Variants in MUSK observed in about 807,000 individuals in gnomAD.
MUSK encodes the protein muscle associated receptor tyrosine kinase.
A neutral mutation model predicts 88.7 loss-of-function variants in MUSK; 55 were observed. That is an observed-to-expected ratio of 0.62 (90% CI 0.50 to 0.78). The LOEUF (loss-of-function observed/expected upper bound fraction) is 0.78, where lower values mean the gene tolerates loss of function less well. Among genes scored for constraint, MUSK ranks in the 30% least tolerant of loss-of-function variants. The pLI, the probability that MUSK is intolerant of heterozygous loss-of-function variation, is 0.00. For synonymous variants in MUSK, 387 were observed against 391.9 expected, an observed-to-expected ratio of 0.99 and a Z score of 0.15; for missense variants, 1,015 against 1,074.3, an observed-to-expected ratio of 0.94 and a Z score of 0.77.
At chr9:110,704,328 C>A (rs766762440) in intron 5 of MUSK, among the ~76,000 whole-genome samples, 3 of 152,140 alleles carry the variant, frequency 2.0e-5, no homozygotes, top group Non-Finnish European at 4.4e-5. Flanking sequence ...ACATTAACTT[C>A]TAAAATTATC....
In MUSK at chr9:110,775,790, A is replaced by AGTC. The variant is rs2131987253; in HGVS notation, c.1189_1190insCGT (p.Glu396_Tyr397insSer). ...TTGTTCTCCATATACTATTTTAGAGAGTACTGCTTGGCAGTAAAGGAGCTC... is the reference window on the plus strand; with the variant it reads ...TTGTTCTCCATATACTATTTTAGAGAGTCGTACTGCTTGGCAGTAAAGGAGCTC... On this transcript the variant is annotated inframe_insertion, in exon 10 of 15. Transcript: ENST00000374448. 1.2e-6 allele frequency: 2 copies of AGTC among 1,613,430 alleles called. No homozygotes were observed. Among genetic ancestry groups the AGTC allele is most frequent in the Non-Finnish European group, 8.5e-7 (1 of 1,179,408 alleles).
intron 1 of MUSK, among the ~76,000 whole-genome samples, chr9:110,669,442 T>C (rs749618825): frequency 1.3e-5 from 2 of 152,216 alleles, no homozygotes; most frequent in Non-Finnish European, 1.5e-5. Flanking sequence ...GCCAAACTCT[T>C]AATAAATATT....
At chr9:110,781,326 G>C (rs749262738) in intron 11 of MUSK, among the ~76,000 whole-genome samples, 2 of 152,126 alleles carry the variant, frequency 1.3e-5, no homozygotes, top group East Asian at 1.9e-4. Context: ...GCCCAGGCTG[G>C]AGTGCAGTGG....
chr9:110,679,937 T>G (rs190881255), intron 1 of MUSK, among the ~76,000 whole-genome samples: 3 of 152,268 alleles, frequency 2.0e-5, no homozygotes, highest in Non-Finnish European at 2.9e-5. Flanking sequence ...ACACAAAAAT[T>G]TGTGATTTTT....
intron 14 of MUSK, among the ~76,000 whole-genome samples, chr9:110,797,292 CAAAA>C (rs111652297): frequency 1.4e-5 from 2 of 146,246 alleles, no homozygotes; most frequent in African/African-American, 2.5e-5. Flanking sequence ...AACAAACAAA[CAAAA>C]AAAAAGTTTC....
chr9:110,688,857 T>C (rs983187839), intron 3 of MUSK, among the ~76,000 whole-genome samples: 7 of 151,296 alleles, frequency 4.6e-5, no homozygotes, highest in Non-Finnish European at 8.8e-5. Flanking sequence ...CTTTATCCAG[T>C]CCATCATTAA....
intron 5 of MUSK, among the ~76,000 whole-genome samples, chr9:110,697,908 G>A (rs1231315229): frequency 1.3e-5 from 2 of 148,430 alleles, no homozygotes; most frequent in Non-Finnish European, 3.0e-5. Flanking sequence ...CACAAAGCTT[G>A]AAAAAAAAAA....
At chr9:110,672,553 C>T (rs774042243) in intron 1 of MUSK, among the ~76,000 whole-genome samples, 1 of 151,986 alleles carries the variant, frequency 6.6e-6, no homozygotes, top group South Asian at 2.1e-4. Context: ...TATATGGCAG[C>T]GTACCATGAG....
At chr9:110,770,717 C>A (rs746395726) in intron 9 of MUSK, among the ~76,000 whole-genome samples, 3 of 146,776 alleles carry the variant, frequency 2.0e-5, no homozygotes, top group Non-Finnish European at 3.0e-5. Flanking sequence ...TTGTATTATG[C>A]CTGCTAGTAA....
intron 1 of MUSK, 101 bp from the exon 2 acceptor site, chr9:110,682,573 C>G (rs1449947501): frequency 1.3e-5 from 15 of 1,194,746 alleles, no homozygotes; most frequent in Non-Finnish European, 1.6e-5. Flanking sequence ...TCTGGGGAAA[C>G]AGAATTCTCA....
chr9:110,729,100 T>C (rs966080269), intron 5 of MUSK, among the ~76,000 whole-genome samples: 2 of 151,636 alleles, frequency 1.3e-5, no homozygotes, highest in Non-Finnish European at 2.9e-5. Context: ...TTTGGATAAA[T>C]GTTAGGATGT....
At position 110,802,892 on chromosome 9, in the gene MUSK, G is replaced by A. The variant is rs368025206; in HGVS notation, c.*1904G>A. Reference sequence around the variant, plus strand: ...AAGAAGTGCTTCAGATAAAAATCATGAGTCTAAGTCCAAAATTGATACTGT... The same window carrying A: ...AAGAAGTGCTTCAGATAAAAATCATAAGTCTAAGTCCAAAATTGATACTGT... On this transcript the variant is annotated 3_prime_UTR_variant, in exon 15 of 15. Coordinates refer to ENST00000374448, the MANE Select transcript of MUSK (RefSeq NM_005592.4). Among the ~76,000 whole-genome samples the A allele has an allele frequency of 6.6e-6, 1 of 152,278 alleles. No homozygotes were observed. Among genetic ancestry groups the A allele is most frequent in the African/African-American group, 2.4e-5 (1 of 41,556 alleles).
chr9:110,770,252 T>C, intron 9 of MUSK, among the ~76,000 whole-genome samples: 1 of 148,456 alleles, frequency 6.7e-6, no homozygotes, highest in South Asian at 2.1e-4. Context: ...AAAATGTTTC[T>C]AAATTTCATA....
At chr9:110,743,858 G>A (rs2077134339) in intron 6 of MUSK, among the ~76,000 whole-genome samples, 1 of 151,996 alleles carries the variant, frequency 6.6e-6, no homozygotes, top group Admixed American at 6.6e-5. Context: ...ACATTAATCA[G>A]AAAAACTATG....
chr9:110,775,522 C>T lies in MUSK; in HGVS notation c.1185-266C>T, dbSNP rs143328542. On this transcript the variant is annotated intron_variant, in intron 9 of 14. Transcript: ENST00000374448. ...CATATCAGAGATTCCCAATCTAATA[C>T]GTTTTAAATTTGACGTTTTTTTCCC... 5.1e-4 allele frequency: 223 copies of T among 441,384 alleles called. 2 individuals carry two copies. The East Asian group carries it at 0.01, about 20-fold the overall frequency. The allele number at this position is 441,384 out of a possible 1,614,324, so 27.3% of individuals were successfully genotyped here. A position where few individuals can be genotyped will look rare whatever the true frequency, so the allele number is the denominator to read the frequency against.
intron 5 of MUSK, among the ~76,000 whole-genome samples, chr9:110,716,113 G>A (rs1037168868): frequency 6.7e-6 from 1 of 149,510 alleles, no homozygotes; most frequent in African/African-American, 2.5e-5. Context: ...TCCTGCACTT[G>A]TACCCCTGAA....
chr9:110,755,951 C>CGT (rs1269355799), intron 7 of MUSK, among the ~76,000 whole-genome samples: 3 of 101,792 alleles, frequency 2.9e-5, no homozygotes, highest in African/African-American at 1.3e-4. Flanking sequence ...TATATATATA[C>CGT]ACATATATAT....
At chr9:110,764,138 C>G (rs1311300611) in intron 8 of MUSK, among the ~76,000 whole-genome samples, 2 of 152,184 alleles carry the variant, frequency 1.3e-5, no homozygotes, top group African/African-American at 4.8e-5. Flanking sequence ...GCTAGTCTGG[C>G]TGATGATTCC....
chr9:110,796,860 G>A (rs1384300637), intron 14 of MUSK, among the ~76,000 whole-genome samples: 1 of 9,162 alleles, frequency 1.1e-4, no homozygotes, highest in African/African-American at 4.9e-4. Flanking sequence ...GTAAACTATC[G>A]CAAGAACAAA....
Sources: gnomAD v4.1 joint callset for allele counts (sites outside exome capture counted in the v4.1 genomes callset) on GRCh38, gnomAD v4.1.1 for gene constraint, MANE v1.5 for transcripts, NCBI Gene and HGNC (gene_info 2026-07-23, HGNC 2026-07-21) for gene names.